The following MAML2 variants were observed in gnomAD, a reference collection of about 807,000 sequenced individuals.
MAML2 encodes mastermind like transcriptional coactivator 2.
MAML2 carries 22 observed loss-of-function variants against 96.1 expected under a neutral mutation model. The ratio of observed to expected loss-of-function variants is 0.23; its 90% CI spans 0.16 to 0.33. MAML2 has a LOEUF of 0.33. Among genes scored for constraint, MAML2 ranks in the 10% least tolerant of loss-of-function variants. MAML2 has a pLI of 1.00. For synonymous variants in MAML2, 561 were observed against 521.3 expected (o/e 1.08, Z -1.04); for missense variants, 1,367 against 1,392.4 (o/e 0.98, Z 0.29).
At position 96,082,647 on chromosome 11, in the gene MAML2, T is replaced by C. The variant is rs141879353; in HGVS notation, c.2139+9245A>G. 3.2e-3 allele frequency among the ~76,000 whole-genome samples: 480 copies of C among 152,252 alleles called. 6 individuals are homozygous for C. Among genetic ancestry groups the C allele is most frequent in the African/African-American group, 0.011 (454 of 41,536 alleles). On this transcript the variant is annotated intron_variant, in intron 2 of 4. Transcript: ENST00000524717. ...CAGGAAGGAGGTCTGGCAAAAGCAA[T>C]AGAGATAACTAGAACGCCAGTTACT... is the stretch of plus-strand genomic sequence containing the variant.
rs377283996 is a variant in MAML2 at position 96,092,921 on chromosome 11, C to T, written c.1110G>A (p.Pro370=). 50 of 1,607,434 alleles carry T rather than the reference C, an allele frequency of 3.1e-5. No individual in the cohort carries two copies. Among genetic ancestry groups the T allele is most frequent in the African/African-American group, 2.0e-4 (15 of 74,850 alleles). The change falls in exon 2 of 5, where the codon CCG becomes CCA. Residue 370 remains proline, a synonymous_variant. Transcript: ENST00000524717. The surrounding 1 kb of genome is among the most constrained non-coding windows in gnomAD (Gnocchi z 4.1). ...AGCCTGAGGGGCCCTGAGTCAAGCC[C>T]GGTGAGTATTCACTTTTGATCACTA... The part of the protein sequence containing the change: ...EKIVIKSEYS[P]GLTQGPSGSP...
intron 1 of MAML2, among the ~76,000 whole-genome samples, chr11:96,156,699 C>T (rs930418206): frequency 3.9e-5 from 6 of 152,056 alleles, no homozygotes; most frequent in African/African-American, 1.5e-4. Context: ...TTAAGTTTGA[C>T]CAGAGGAAGT....
At chr11:96,052,481 A>T (rs573941054) in intron 2 of MAML2, among the ~76,000 whole-genome samples, 3 of 152,004 alleles carry the variant, frequency 2.0e-5, no homozygotes, top group Non-Finnish European at 4.4e-5. Context: ...TCTTTGTCAC[A>T]CTCCTTGGAC....
At chr11:96,289,864 A>G (rs188822630) in intron 1 of MAML2, among the ~76,000 whole-genome samples, 43 of 150,170 alleles carry the variant, frequency 2.9e-4, no homozygotes, top group African/African-American at 9.9e-4. Context: ...TCTTTTGATT[A>G]CCAAATGCCC....
chr11:95,986,768 GA>G (rs1365390038), intron 3 of MAML2, among the ~76,000 whole-genome samples: 1 of 151,990 alleles, frequency 6.6e-6, no homozygotes, highest in East Asian at 1.9e-4. Context: ...CACACAATAC[GA>G]GGCCCCTTGC....
intron 1 of MAML2, among the ~76,000 whole-genome samples, chr11:96,334,746 T>C (rs1428076876): frequency 6.6e-6 from 1 of 152,234 alleles, no homozygotes; most frequent in African/African-American, 2.4e-5. Context: ...AAAGGACCCA[T>C]GCATACAATC....
intron 2 of MAML2, among the ~76,000 whole-genome samples, chr11:96,002,471 A>G (rs576831540): frequency 1.3e-4 from 20 of 152,302 alleles, no homozygotes; most frequent in South Asian, 8.3e-4. Context: ...GTCTTAGGAA[A>G]GAAAAGTTAG....
chr11:96,166,134 CTG>C (rs1337988018), intron 1 of MAML2, among the ~76,000 whole-genome samples: 2 of 148,760 alleles, frequency 1.3e-5, no homozygotes. Flanking sequence ...CTCTCTTTCT[CTG>C]TCTCTCTCTC....
intron 1 of MAML2, among the ~76,000 whole-genome samples, chr11:96,194,012 T>G (rs1186989031): frequency 6.6e-6 from 1 of 152,254 alleles, no homozygotes; most frequent in Non-Finnish European, 1.5e-5. Context: ...TTTTATGTCC[T>G]TCTTACTGTT....
intron 1 of MAML2, among the ~76,000 whole-genome samples, chr11:96,217,442 C>G (rs1862067025): frequency 6.6e-6 from 1 of 152,206 alleles, no homozygotes; most frequent in Non-Finnish European, 1.5e-5. Flanking sequence ...TCAGTAGACT[C>G]TATGAGACAC....
At chr11:96,007,001 TC>T (rs1858192392) in intron 2 of MAML2, among the ~76,000 whole-genome samples, 1 of 151,342 alleles carries the variant, frequency 6.6e-6, no homozygotes, top group Non-Finnish European at 1.5e-5. Context: ...TAGATATCAA[TC>T]TTTTTTTTTA....
At chr11:96,285,818 G>T (rs1479790757) in intron 1 of MAML2, among the ~76,000 whole-genome samples, 1 of 152,138 alleles carries the variant, frequency 6.6e-6, no homozygotes, top group Admixed American at 6.6e-5. Flanking sequence ...AAAAAGTCAA[G>T]AAACAACAGA....
At chr11:96,140,306 AT>A (rs1268473483) in intron 1 of MAML2, among the ~76,000 whole-genome samples, 2 of 152,208 alleles carry the variant, frequency 1.3e-5, no homozygotes, top group African/African-American at 4.8e-5. Context: ...GACAAGTTAT[AT>A]TTTTCTTGTT....
intron 1 of MAML2, among the ~76,000 whole-genome samples, chr11:96,115,470 C>A (rs752076820): frequency 1.9e-5 from 2 of 107,350 alleles, no homozygotes; most frequent in African/African-American, 8.3e-5. Context: ...CCACACCTGG[C>A]GGATTTTTTT....
At chr11:96,285,983 C>A (rs484996) in intron 1 of MAML2, among the ~76,000 whole-genome samples, 39,734 of 151,960 alleles carry the variant, frequency 0.26, 5,320 homozygotes, top group East Asian at 0.33. Context: ...GGTATATACC[C>A]AAAGGAATAT....
chr11:96,274,051 CTT>C (rs1862949978), intron 1 of MAML2, among the ~76,000 whole-genome samples: 1 of 115,246 alleles, frequency 8.7e-6, no homozygotes, highest in Admixed American at 8.2e-5. Context: ...AGTTCTTTTT[CTT>C]GTTTCTTTTT....
At chr11:96,242,391 C>A (rs1862448812) in intron 1 of MAML2, among the ~76,000 whole-genome samples, 2 of 152,146 alleles carry the variant, frequency 1.3e-5, no homozygotes, top group Admixed American at 1.3e-4. Flanking sequence ...GTGAAATCAT[C>A]AGACTGAAAA....
chr11:95,999,299 A>G (rs546175477), intron 2 of MAML2, among the ~76,000 whole-genome samples: 5 of 152,278 alleles, frequency 3.3e-5, no homozygotes, highest in African/African-American at 1.2e-4. Flanking sequence ...AATATGTGAG[A>G]GATCTTTAAA....
intron 2 of MAML2, among the ~76,000 whole-genome samples, chr11:96,063,775 A>G (rs1349021682): frequency 6.6e-6 from 1 of 152,226 alleles, no homozygotes; most frequent in Non-Finnish European, 1.5e-5. Flanking sequence ...AACAAAACAA[A>G]AAAGTGTAAA....
Sources: allele counts gnomAD v4.1 joint callset (sites outside exome capture counted in the v4.1 genomes callset), GRCh38; gene constraint gnomAD v4.1.1; non-coding constraint Gnocchi (gnomAD v3.1); transcripts MANE v1.5; gene names NCBI Gene and HGNC (gene_info 2026-07-23, HGNC 2026-07-21).